The following ABCB4 variants were observed in gnomAD, a reference collection of about 807,000 sequenced individuals.
The protein encoded by ABCB4 is phosphatidylcholine translocator ABCB4.
Under a neutral mutation model 145.7 loss-of-function variants are expected in ABCB4, and 76 were observed. The observed-to-expected ratio is 0.52, with a 90% CI of 0.43 to 0.63. The LOEUF is 0.63. ABCB4 is among the 30% of genes least tolerant of loss of function. ABCB4 has a pLI of 0.00. For synonymous variants in ABCB4, 517 were observed against 566.8 expected (o/e 0.91, Z 1.25); for missense variants, 1,234 against 1,553.1 (o/e 0.79, Z 3.45).
chr7:87,443,816 A>G (rs761420046), intron 10 of ABCB4, 43 bp from the exon 11 acceptor site: 34 of 1,485,278 alleles, frequency 2.3e-5, no homozygotes, highest in Non-Finnish European at 3.0e-5. Flanking sequence ...CATAGCACAA[A>G]CAAGTTGCAT....
intron 27 of ABCB4, 49 bp from the exon 28 acceptor site, chr7:87,402,351 GT>G: frequency 6.2e-7 from 1 of 1,602,408 alleles, no homozygotes; most frequent in Non-Finnish European, 8.5e-7. Context: ...GTATAAATTA[GT>G]TTTAACATTC....
intron 14 of ABCB4, among the ~76,000 whole-genome samples, chr7:87,432,269 T>C (rs567640370): frequency 1.1e-4 from 17 of 152,336 alleles, no homozygotes; most frequent in East Asian, 7.7e-4. Flanking sequence ...AATAAAAGTA[T>C]TGATATTATG....
In ABCB4 at chr7:87,417,439, T is replaced by C. The variant is rs781466039; in HGVS notation, c.2555A>G (p.Tyr852Cys). Residue 852 changes from tyrosine to cysteine, a missense_variant, in exon 21 of 28, where the codon TAC becomes TGC. Tyr to Cys is a radical substitution (Grantham distance 194). Transcript: ENST00000649586. The stretch of plus-strand genomic sequence containing the variant: ...TAGCAATAGGGTTAACTGCCAACCG[T>C]AGATAAATGATATGATAATACCAGT... ...LGTGIIISFI[Y>C]GWQLTLLLLA... 3.2e-5 allele frequency: 51 copies of C among 1,614,010 alleles called. No homozygotes were observed. Among genetic ancestry groups the C allele is most frequent in the Non-Finnish European group, 3.8e-5 (45 of 1,180,016 alleles).
At chr7:87,385,890 A>T in the ABCB4 span, among the ~76,000 whole-genome samples, 1 of 152,076 alleles carries the variant, frequency 6.6e-6, no homozygotes, top group South Asian at 2.1e-4. Flanking sequence ...TTTATCATGA[A>T]GGTATGTTTA....
At chr7:87,393,193 T>C in the ABCB4 span, 2 of 1,066,274 alleles carry the variant, frequency 1.9e-6, no homozygotes, top group Non-Finnish European at 2.7e-6. Context: ...TAAGTAACTA[T>C]TTTTTTCCAC....
chr7:87,447,617 C>T (rs553627199), intron 8 of ABCB4, among the ~76,000 whole-genome samples: 1 of 152,326 alleles, frequency 6.6e-6, no homozygotes, highest in South Asian at 2.1e-4. Flanking sequence ...AGATTCTTAA[C>T]TCTGGTCAAT....
At chr7:87,429,321 G>T (rs1273338063) in intron 15 of ABCB4, among the ~76,000 whole-genome samples, 1 of 152,242 alleles carries the variant, frequency 6.6e-6, no homozygotes, top group East Asian at 1.9e-4. Flanking sequence ...TGCTCATTTA[G>T]CAAGTGAGGA....
intron 3 of ABCB4, among the ~76,000 whole-genome samples, chr7:87,467,742 C>T (rs1279888285): frequency 6.6e-6 from 1 of 152,208 alleles, no homozygotes; most frequent in Non-Finnish European, 1.5e-5. Context: ...TTAAGAAACT[C>T]ACTCAAAACC....
At chr7:87,439,982 A>C in intron 13 of ABCB4, 145 bp from the exon 14 acceptor site, 1 of 1,286,322 alleles carries the variant, frequency 7.8e-7, no homozygotes, top group South Asian at 1.4e-5. Flanking sequence ...ATGAATTCTG[A>C]ATTATAAAAA....
the ABCB4 span, among the ~76,000 whole-genome samples, chr7:87,374,286 T>C: frequency 5.9e-5 from 9 of 152,110 alleles, no homozygotes; most frequent in Non-Finnish European, 1.2e-4. Flanking sequence ...TGGGCAGTTA[T>C]GTGACCTTTT....
intron 11 of ABCB4, 74 bp from the exon 12 acceptor site, chr7:87,443,518 A>C: frequency 6.3e-7 from 1 of 1,596,378 alleles, no homozygotes; most frequent in Non-Finnish European, 8.6e-7. Context: ...ATTCAGTTTG[A>C]AATTTGAAAA....
At chr7:87,427,590 G>A (rs189048996) in intron 15 of ABCB4, among the ~76,000 whole-genome samples, 25 of 150,948 alleles carry the variant, frequency 1.7e-4, no homozygotes, top group Non-Finnish European at 3.6e-4. Context: ...TTCCCTATTT[G>A]CTTCCTCCAC....
At chr7:87,381,076 A>G in the ABCB4 span, among the ~76,000 whole-genome samples, 1 of 152,146 alleles carries the variant, frequency 6.6e-6, no homozygotes, top group Non-Finnish European at 1.5e-5. Context: ...TTAGGGTGAC[A>G]TTTAAGACAC....
At chr7:87,475,352 G>GTCTC in intron 2 of ABCB4, 34 bp downstream of exon 2, 1 of 1,612,540 alleles carries the variant, frequency 6.2e-7, no homozygotes, top group Non-Finnish European at 8.5e-7. Context: ...TGATTGGCGT[G>GTCTC]TAACGGAAAA....
the ABCB4 span, among the ~76,000 whole-genome samples, chr7:87,384,391 A>T: frequency 3.3e-5 from 5 of 152,040 alleles, no homozygotes; most frequent in Non-Finnish European, 5.9e-5. Context: ...AATTAGCCTG[A>T]TGTAGGGGCA....
chr7:87,441,163 T>C (rs1268799588), intron 12 of ABCB4, among the ~76,000 whole-genome samples: 1 of 152,224 alleles, frequency 6.6e-6, no homozygotes, highest in Non-Finnish European at 1.5e-5. Context: ...ATGATTTATT[T>C]TTTCTCCCTT....
chr7:87,445,091 C>CTT (rs147821186), intron 9 of ABCB4, 116 bp from the exon 10 acceptor site: 219 of 587,484 alleles, frequency 3.7e-4, no homozygotes, highest in Middle Eastern at 7.0e-4. Context: ...TTATCCTTTC[C>CTT]TTTTTTTTTT....
At chr7:87,448,275 T>C (rs1186392723) in intron 8 of ABCB4, among the ~76,000 whole-genome samples, 1 of 151,538 alleles carries the variant, frequency 6.6e-6, no homozygotes, top group African/African-American at 2.4e-5. Flanking sequence ...ATATTTTTCT[T>C]TGTGACAAAA....
At chr7:87,412,907 G>C (rs1371539474) in intron 22 of ABCB4, among the ~76,000 whole-genome samples, 2 of 152,202 alleles carry the variant, frequency 1.3e-5, no homozygotes, top group Non-Finnish European at 2.9e-5. Flanking sequence ...AGGTGTAGCT[G>C]CATGTTATTT....
Sources: allele counts gnomAD v4.1 joint callset (sites outside exome capture counted in the v4.1 genomes callset), GRCh38; gene constraint gnomAD v4.1.1; transcripts MANE v1.5; gene names NCBI Gene and HGNC (gene_info 2026-07-23, HGNC 2026-07-21).